Variants in OR2L13 observed in about 807,000 individuals in gnomAD.
OR2L13 encodes olfactory receptor family 2 subfamily L member 13, also known as olfactory receptor 2L13.
OR2L13 carries 14 observed loss-of-function variants against 15.3 expected under a neutral mutation model. The observed-to-expected ratio is 0.91, with a 90% CI of 0.60 to 1.43. The LOEUF (loss-of-function observed/expected upper bound fraction) is 1.43, where lower values mean the gene tolerates loss of function less well. Among genes scored for constraint, OR2L13 ranks in the 40% most tolerant of loss-of-function variants. The pLI is 0.00. For synonymous variants in OR2L13, 152 were observed against 142.9 expected, an observed-to-expected ratio of 1.06 and a Z score of -0.45; for missense variants, 367 against 387.9, an observed-to-expected ratio of 0.95 and a Z score of 0.45.
At chr1:248,081,141 T>C in the OR2L13 span, among the ~76,000 whole-genome samples, 1 of 152,166 alleles carries the variant, frequency 6.6e-6, no homozygotes. Context: ...ATTTTGAAGA[T>C]TTTGAAGATT....
chr1:247,965,332 A>G, the OR2L13 span: 9 of 1,551,612 alleles, frequency 5.8e-6, no homozygotes, highest in Middle Eastern at 1.7e-4. Context: ...ACATTATTAC[A>G]TGAACATTTC....
chr1:248,030,368 A>G, the OR2L13 span: 1 of 152,190 alleles, frequency 6.6e-6, no homozygotes, highest in Non-Finnish European at 1.5e-5. Flanking sequence ...TACTTTCTCT[A>G]ACACCATTCA....
chr1:247,959,070 G>T, the OR2L13 span, among the ~76,000 whole-genome samples: 2 of 152,204 alleles, frequency 1.3e-5, no homozygotes, highest in African/African-American at 2.4e-5. Flanking sequence ...TGATTTTGCA[G>T]TGGCTGGTAC....
chr1:247,937,456 C>T, the OR2L13 span: 1 of 159,818 alleles, frequency 6.3e-6, no homozygotes, highest in Non-Finnish European at 1.4e-5. Flanking sequence ...ACTGTCAGCC[C>T]TCCTCCCCTC....
chr1:247,979,831 A>G, the OR2L13 span, among the ~76,000 whole-genome samples: 5,911 of 152,248 alleles, frequency 0.039, 355 homozygotes, highest in African/African-American at 0.13. Context: ...GTTCAAAGGC[A>G]TGGTTTAAAA....
At chr1:248,019,868 C>T in the OR2L13 span, among the ~76,000 whole-genome samples, 1 of 152,102 alleles carries the variant, frequency 6.6e-6, no homozygotes, top group African/African-American at 2.4e-5. Flanking sequence ...CTCACTGCAA[C>T]CTCGGCCTCC....
At chr1:248,088,819 A>G in the OR2L13 span, among the ~76,000 whole-genome samples, 3 of 152,176 alleles carry the variant, frequency 2.0e-5, no homozygotes, top group African/African-American at 7.2e-5. Context: ...CATGTAAAGA[A>G]CTTCTGTCCA....
At chr1:248,059,907 G>C in the OR2L13 span, among the ~76,000 whole-genome samples, 5 of 152,074 alleles carry the variant, frequency 3.3e-5, no homozygotes, top group South Asian at 6.2e-4. Context: ...AGGTATGGTG[G>C]CTTGTGGTCG....
chr1:248,080,010 T>A, the OR2L13 span, among the ~76,000 whole-genome samples: 1 of 152,068 alleles, frequency 6.6e-6, no homozygotes, highest in East Asian at 1.9e-4. Flanking sequence ...GCAAGAAGAG[T>A]CAGCTCTCCC....
the OR2L13 span, among the ~76,000 whole-genome samples, chr1:248,011,988 T>C: frequency 6.6e-6 from 1 of 152,180 alleles, no homozygotes; most frequent in Non-Finnish European, 1.5e-5. Context: ...GCATTTAATA[T>C]CTATGTGATT....
At chr1:247,957,194 G>A in the OR2L13 span, among the ~76,000 whole-genome samples, 2 of 152,110 alleles carry the variant, frequency 1.3e-5, no homozygotes, top group Admixed American at 6.5e-5. Flanking sequence ...TGCATCTATT[G>A]AGATAATCAT....
chr1:247,989,969 A>G, the OR2L13 span, among the ~76,000 whole-genome samples: 1 of 152,176 alleles, frequency 6.6e-6, no homozygotes, highest in Non-Finnish European at 1.5e-5. Flanking sequence ...ACCGTTCAAT[A>G]AGATATTTTG....
the OR2L13 span, among the ~76,000 whole-genome samples, chr1:247,983,221 G>A: frequency 1.3e-5 from 2 of 152,074 alleles, no homozygotes; most frequent in African/African-American, 4.8e-5. Context: ...TTGTTATTAG[G>A]ATTAAATCTA....
the OR2L13 span, among the ~76,000 whole-genome samples, chr1:247,974,572 A>G: frequency 7.2e-5 from 11 of 152,100 alleles, no homozygotes; most frequent in Admixed American, 2.0e-4. Flanking sequence ...GAATGTTATC[A>G]TAAGTATATA....
chr1:248,011,582 A>G, the OR2L13 span, among the ~76,000 whole-genome samples: 1 of 152,182 alleles, frequency 6.6e-6, no homozygotes, highest in Non-Finnish European at 1.5e-5. Context: ...ATTTTCAGGT[A>G]TACCAATCAA....
the OR2L13 span, among the ~76,000 whole-genome samples, chr1:248,090,106 G>A: frequency 6.6e-6 from 1 of 151,968 alleles, no homozygotes; most frequent in Non-Finnish European, 1.5e-5. Flanking sequence ...ACTTCTCCTT[G>A]CTTGCCCCCC....
At chr1:248,037,922 A>G in the OR2L13 span, among the ~76,000 whole-genome samples, 1 of 152,198 alleles carries the variant, frequency 6.6e-6, no homozygotes, top group Non-Finnish European at 1.5e-5. Flanking sequence ...TTGATTTCCC[A>G]TGAAGCATTT....
At chr1:247,938,319 GA>G in the OR2L13 span, among the ~76,000 whole-genome samples, 1 of 152,088 alleles carries the variant, frequency 6.6e-6, no homozygotes, top group African/African-American at 2.4e-5. Context: ...GTTAATATTA[GA>G]TGCATCAGGT....
chr1:248,028,918 G>C, the OR2L13 span, among the ~76,000 whole-genome samples: 46,192 of 152,096 alleles, frequency 0.3, 11,326 homozygotes, highest in African/African-American at 0.68. Context: ...AAACAGTACC[G>C]TGGTTGCACT....
Sources: allele counts gnomAD v4.1 joint callset (sites outside exome capture counted in the v4.1 genomes callset), GRCh38; gene constraint gnomAD v4.1.1; transcripts MANE v1.5; gene names NCBI Gene and HGNC (gene_info 2026-07-23, HGNC 2026-07-21).